Variants in KIAA0586 observed in about 807,000 individuals in gnomAD.
The protein encoded by KIAA0586 is KIAA0586, also known as protein TALPID3.
In KIAA0586, 144 loss-of-function variants were observed where a neutral mutation model predicts 169.8. The ratio of observed to expected loss-of-function variants is 0.85; its 90% confidence interval spans 0.74 to 0.97. The LOEUF is 0.97. KIAA0586 is among the 50% of genes least tolerant of loss of function. KIAA0586 has a pLI of 0.00. For synonymous variants in KIAA0586, 625 were observed against 612.4 expected (o/e 1.02, Z -0.30); for missense variants, 1,854 against 1,823.0 (o/e 1.02, Z -0.31).
At chr14:58,551,512 A>G (rs1210096762), downstream of KIAA0586, among the ~76,000 whole-genome samples, 1 of 152,196 alleles carries the variant, frequency 6.6e-6, no homozygotes, top group Non-Finnish European at 1.5e-5. Context: ...CTGTAATCCC[A>G]GCACTTTGGG....
chr14:58,528,943 T>A (rs2045775334), intron 29 of KIAA0586, among the ~76,000 whole-genome samples: 1 of 151,904 alleles, frequency 6.6e-6, no homozygotes, highest in Non-Finnish European at 1.5e-5. Context: ...ATCAACAAAA[T>A]GGATAGACCA....
intron 4 of KIAA0586, among the ~76,000 whole-genome samples, chr14:58,439,096 T>C (rs2038072780): frequency 6.6e-6 from 1 of 152,202 alleles, no homozygotes; most frequent in Admixed American, 6.5e-5. Context: ...GTAAGACCTC[T>C]GGGAATTGGG....
intron 29 of KIAA0586, among the ~76,000 whole-genome samples, chr14:58,519,902 A>G (rs1026233289): frequency 6.6e-6 from 1 of 152,172 alleles, no homozygotes; most frequent in Non-Finnish European, 1.5e-5. Context: ...CATTACAATC[A>G]TTTTTCCATT....
chr14:58,558,620 A>G, the KIAA0586 span, among the ~76,000 whole-genome samples: 1 of 152,240 alleles, frequency 6.6e-6, no homozygotes, highest in Non-Finnish European at 1.5e-5. Context: ...CTCTTTAACT[A>G]CTGGCTACTA....
intron 20 of KIAA0586, among the ~76,000 whole-genome samples, chr14:58,480,650 G>A (rs1454374064): frequency 5.3e-5 from 8 of 152,086 alleles, no homozygotes; most frequent in Admixed American, 4.6e-4. Flanking sequence ...AATCTCTAAA[G>A]CCTTGGAGTT....
At chr14:58,539,797 T>A (rs1033876589) in intron 29 of KIAA0586, 1 of 258,890 alleles carries the variant, frequency 3.9e-6, no homozygotes, top group Non-Finnish European at 7.3e-6. Context: ...TGATACAAAT[T>A]TCAGATTTTC....
chr14:58,436,326 A>G (rs957875773), intron 4 of KIAA0586, among the ~76,000 whole-genome samples: 3 of 152,150 alleles, frequency 2.0e-5, no homozygotes, highest in Admixed American at 2.0e-4. Flanking sequence ...AAATGAAATA[A>G]CAATTACCAT....
At chr14:58,430,547 G>C in intron 2 of KIAA0586, 101 bp from the exon 3 acceptor site, 1 of 661,918 alleles carries the variant, frequency 1.5e-6, no homozygotes, top group South Asian at 2.0e-5. Context: ...ACACAGTCCT[G>C]CCCTCCCAGA....
chr14:58,552,014 G>A (rs2047214898), downstream of KIAA0586, among the ~76,000 whole-genome samples: 1 of 152,118 alleles, frequency 6.6e-6, no homozygotes, highest in African/African-American at 2.4e-5. Flanking sequence ...GATCCTCAGG[G>A]GGAGGCTGGG....
At chr14:58,481,021 A>G (rs1595300998) in intron 20 of KIAA0586, among the ~76,000 whole-genome samples, 1 of 152,226 alleles carries the variant, frequency 6.6e-6, no homozygotes, top group Non-Finnish European at 1.5e-5. Context: ...ATTTTGGGCC[A>G]TGCTCAAAGA....
At position 58,509,555 on chromosome 14, in the gene KIAA0586, A is replaced by T. The variant is rs150257813; in HGVS notation, c.4323+846A>T. 2.5e-3 allele frequency among the ~76,000 whole-genome samples: 388 copies of T among 152,270 alleles called. 1 individual carries two copies. Among genetic ancestry groups the T allele is most frequent in the African/African-American group, 8.8e-3 (365 of 41,548 alleles). ...AATTCGTTCAAAATTACCCATTTTG[A>T]ACTAATTTATGAATAAGTATTCATG... On this transcript the variant is annotated intron_variant, in intron 28 of 30. Coordinates refer to ENST00000652326, the MANE Select transcript of KIAA0586 (RefSeq NM_001329943.3).
At chr14:58,444,603 T>C (rs928298477) in intron 6 of KIAA0586, among the ~76,000 whole-genome samples, 4 of 151,952 alleles carry the variant, frequency 2.6e-5, no homozygotes, top group African/African-American at 7.2e-5. Flanking sequence ...TTTGTATTTT[T>C]AGTAGAGGTG....
intron 26 of KIAA0586, among the ~76,000 whole-genome samples, chr14:58,497,726 TCTC>T (rs1265285377): frequency 6.6e-6 from 1 of 152,140 alleles, no homozygotes; most frequent in Non-Finnish European, 1.5e-5. Context: ...AGTATATTAT[TCTC>T]CTCATCAATT....
intron 29 of KIAA0586, among the ~76,000 whole-genome samples, chr14:58,531,909 A>G (rs2045992677): frequency 1.3e-5 from 2 of 152,124 alleles, no homozygotes; most frequent in African/African-American, 4.8e-5. Flanking sequence ...GCTGGAAACC[A>G]TCATTCTCAG....
chr14:58,542,081 T>G (rs2046667375), intron 30 of KIAA0586, among the ~76,000 whole-genome samples: 1 of 152,244 alleles, frequency 6.6e-6, no homozygotes, highest in Non-Finnish European at 1.5e-5. Flanking sequence ...TTTTCGCCTG[T>G]TCACAGTAAT....
At chr14:58,554,643 G>A (rs924997024), downstream of KIAA0586, among the ~76,000 whole-genome samples, 5 of 152,186 alleles carry the variant, frequency 3.3e-5, no homozygotes, top group Admixed American at 2.6e-4. Context: ...AGGCAGATTA[G>A]GGATTTTTGA....
Position 58,427,772 on chromosome 14 carries a change from C to G in KIAA0586, c.-493C>G, listed in dbSNP as rs1471328611. 6.6e-6 allele frequency: 10 copies of G among 1,525,118 alleles called. No individual in the cohort carries two copies. The highest frequency in any genetic ancestry group is 2.5e-5 in the East Asian group (1 of 40,788). 94.5% of individuals were successfully genotyped at this position (1,525,118 alleles called of 1,614,324 possible). A position where few individuals can be genotyped will look rare whatever the true frequency, so the allele number is the denominator to read the frequency against. On this transcript the variant is annotated 5_prime_UTR_variant, in exon 1 of 31. Transcript: ENST00000652326. ...GCGGGTCTCGGGCGTTCTGGAGATA[C>G]GTAGGGGTGAATTTATGTTTCCGAC...
chr14:58,475,745 A>C (rs1431196858), intron 19 of KIAA0586, among the ~76,000 whole-genome samples: 1 of 152,164 alleles, frequency 6.6e-6, no homozygotes, highest in Non-Finnish European at 1.5e-5. Flanking sequence ...TTAATAATGT[A>C]CTGGCATATA....
intron 29 of KIAA0586, among the ~76,000 whole-genome samples, chr14:58,535,527 G>A (rs1246831850): frequency 6.6e-6 from 1 of 152,136 alleles, no homozygotes; most frequent in Non-Finnish European, 1.5e-5. Context: ...TCTTGGCAGT[G>A]GGATATATAC....
Sources: gnomAD v4.1 joint callset for allele counts (sites outside exome capture counted in the v4.1 genomes callset) on GRCh38, gnomAD v4.1.1 for gene constraint, MANE v1.5 for transcripts, NCBI Gene and HGNC (gene_info 2026-07-23, HGNC 2026-07-21) for gene names.